Variants in PRICKLE1 observed in about 807,000 individuals in gnomAD.
PRICKLE1 encodes the protein prickle planar cell polarity protein 1, also known as prickle-like protein 1.
A neutral mutation model predicts 70.2 loss-of-function variants in PRICKLE1; 14 were observed. The observed-to-expected ratio is 0.20, with a 90% CI of 0.13 to 0.31. The LOEUF is 0.31. PRICKLE1 is among the 10% of genes least tolerant of loss of function. The probability of loss-of-function intolerance (pLI) is 1.00; values close to 1 mark genes in which losing one functional copy is unlikely to be tolerated. For missense variants in PRICKLE1, 821 were observed against 1,026.2 expected (o/e 0.80, Z 2.73); for synonymous variants, 357 against 379.9 (o/e 0.94, Z 0.70).
At chr12:42,556,574 TG>T (rs1940416332) in intron 1 of PRICKLE1, among the ~76,000 whole-genome samples, 1 of 152,196 alleles carries the variant, frequency 6.6e-6, no homozygotes, top group African/African-American at 2.4e-5. Context: ...CCTGTGCTCT[TG>T]GATCTAGATC....
intron 1 of PRICKLE1, among the ~76,000 whole-genome samples, chr12:42,485,965 G>A (rs963257646): frequency 1.3e-5 from 2 of 152,194 alleles, no homozygotes; most frequent in Admixed American, 1.3e-4. Context: ...ACAGACTTTA[G>A]TCTGGTCTGA....
At position 42,460,289 on chromosome 12, in the gene PRICKLE1, G is replaced by A. The variant is rs1393383343; in HGVS notation, c.2016C>T (p.His672=). ...NFEERGSRSH[H]HRRRRSRKSR... is the part of the protein sequence containing the mutation. ...ACTTTCTACTTCTCCGGCGGCGGTG[G>A]TGATGAGACCTGGATCCCCTCTCTT... The change falls in exon 8 of 8, where the codon CAC becomes CAT. Residue 672 remains histidine (H), a synonymous_variant. Transcript: ENST00000345127. The A allele has an allele frequency of 1.9e-6, 3 of 1,614,014 alleles. No homozygotes were observed. Among genetic ancestry groups the A allele is most frequent in the Non-Finnish European group, 2.5e-6 (3 of 1,180,048 alleles).
intron 1 of PRICKLE1, among the ~76,000 whole-genome samples, chr12:42,579,841 TTTA>T (rs141455369): frequency 0.13 from 20,407 of 151,968 alleles, 1,719 homozygotes; most frequent in Non-Finnish European, 0.19. Flanking sequence ...ATATGTCTTC[TTTA>T]TTATTATTAT....
At chr12:42,506,771 C>A (rs1039974273) in intron 1 of PRICKLE1, among the ~76,000 whole-genome samples, 1 of 151,498 alleles carries the variant, frequency 6.6e-6, no homozygotes, top group Admixed American at 6.6e-5. Context: ...CGGTGTTTCA[C>A]CATCTTGGCC....
Position 42,459,456 on chromosome 12 carries a change from C to T in PRICKLE1, c.*353G>A. On this transcript the variant is annotated 3_prime_UTR_variant, in exon 8 of 8. Transcript: ENST00000345127. Reference sequence around the variant, plus strand: ...ATAAATGACAAACACTAGTGCTTTACAAAGGTGGCTGGAGTTCTCCATCTT... The same window carrying T: ...ATAAATGACAAACACTAGTGCTTTATAAAGGTGGCTGGAGTTCTCCATCTT... 1 of 678,614 alleles carries T rather than the reference C, an allele frequency of 1.5e-6. No homozygotes were observed. The allele number at this position is 678,614 out of a possible 1,614,324, so 42.0% of individuals were successfully genotyped here.
In PRICKLE1 at chr12:42,464,421, T is replaced by G. The variant is rs764577468; in HGVS notation, c.1613A>C (p.Asp538Ala). Residue 538 changes from aspartate to alanine, a missense_variant, in exon 7 of 8, where the codon GAT (aspartate) becomes GCT (alanine). Transcript: ENST00000345127. The surrounding 1 kb of genome is among the most constrained non-coding windows in gnomAD (Gnocchi z 4.2). The stretch of plus-strand genomic sequence containing the variant: ...TGTGATATTGGACAATGCCAAAGAA[T>G]CCATCGAATCCCGAACACTTTGCTC... ...KPEQSVRDSM[D>A]SLALSNITGA... is the part of the protein sequence containing the mutation. 2.5e-5 allele frequency: 41 copies of G among 1,614,016 alleles called. No individual in the cohort carries two copies. Among genetic ancestry groups the G allele is most frequent in the Non-Finnish European group, 2.8e-5 (33 of 1,180,030 alleles).
chr12:42,559,622 A>ATT (rs34103754), intron 1 of PRICKLE1, among the ~76,000 whole-genome samples: 1,490 of 69,314 alleles, frequency 0.021, 22 homozygotes, highest in East Asian at 0.084. Context: ...ATATATATAT[A>ATT]TATTTTTTTT....
At chr12:42,588,154 C>A (rs1327225797) in intron 1 of PRICKLE1, among the ~76,000 whole-genome samples, 1 of 152,212 alleles carries the variant, frequency 6.6e-6, no homozygotes, top group Non-Finnish European at 1.5e-5. Flanking sequence ...TGAGCTCACA[C>A]ATCTGGAGCC....
At chr12:42,549,718 C>T (rs1451199117) in intron 1 of PRICKLE1, among the ~76,000 whole-genome samples, 1 of 152,214 alleles carries the variant, frequency 6.6e-6, no homozygotes, top group Non-Finnish European at 1.5e-5. Flanking sequence ...ATACACCACA[C>T]TGCTGCCACA....
chr12:42,477,770 C>T, intron 1 of PRICKLE1, among the ~76,000 whole-genome samples: 1 of 151,842 alleles, frequency 6.6e-6, no homozygotes, highest in East Asian at 1.9e-4. Flanking sequence ...ACTTTATTTT[C>T]AGGTATTGTC....
At chr12:42,478,257 G>A (rs918956766) in intron 1 of PRICKLE1, among the ~76,000 whole-genome samples, 2 of 152,118 alleles carry the variant, frequency 1.3e-5, no homozygotes, top group African/African-American at 4.8e-5. Flanking sequence ...GTCTTAAAAT[G>A]CTGTAGCAAA....
intron 1 of PRICKLE1, among the ~76,000 whole-genome samples, chr12:42,522,280 C>CT (rs1939725388): frequency 6.6e-6 from 1 of 151,926 alleles, no homozygotes; most frequent in Non-Finnish European, 1.5e-5. Flanking sequence ...CTGGCCTTAA[C>CT]TTTTTTGTAA....
At chr12:42,556,537 G>A (rs1211860264) in intron 1 of PRICKLE1, among the ~76,000 whole-genome samples, 1 of 152,188 alleles carries the variant, frequency 6.6e-6, no homozygotes, top group Non-Finnish European at 1.5e-5. Flanking sequence ...ATGGCCAGGG[G>A]TCAAACACAG....
At chr12:42,580,589 C>T (rs2120794184) in intron 1 of PRICKLE1, among the ~76,000 whole-genome samples, 1 of 152,256 alleles carries the variant, frequency 6.6e-6, no homozygotes, top group Non-Finnish European at 1.5e-5. Context: ...ACAAAATATA[C>T]ACTGAGCATA....
At chr12:42,515,246 T>TC (rs1195290715) in intron 1 of PRICKLE1, among the ~76,000 whole-genome samples, 1 of 151,648 alleles carries the variant, frequency 6.6e-6, no homozygotes, top group Non-Finnish European at 1.5e-5. Flanking sequence ...ATCTATTTTT[T>TC]TTTTTTTTTT....
chr12:42,572,222 C>T lies in PRICKLE1; in HGVS notation c.-49+17243G>A, dbSNP rs1208128075. On this transcript the variant is annotated intron_variant, in intron 1 of 7. Coordinates refer to ENST00000345127, the MANE Select transcript of PRICKLE1 (RefSeq NM_153026.3). Reference sequence around the variant, plus strand: ...GCCGAGGCGGGCGGATTACTTGAGGCCAGGAGTTCGAGACCAGCCTGGCCA... The same window carrying T: ...GCCGAGGCGGGCGGATTACTTGAGGTCAGGAGTTCGAGACCAGCCTGGCCA... 3.9e-5 allele frequency among the ~76,000 whole-genome samples: 6 copies of T among 151,950 alleles called. No homozygotes were observed. The South Asian group carries it at 1.0e-3, about 26-fold the overall frequency.
At chr12:42,477,942 G>A (rs1458150300) in intron 1 of PRICKLE1, among the ~76,000 whole-genome samples, 2 of 146,734 alleles carry the variant, frequency 1.4e-5, no homozygotes, top group Non-Finnish European at 3.0e-5. Context: ...ACTAACAGTG[G>A]CCCTGCCCTA....
intron 1 of PRICKLE1, among the ~76,000 whole-genome samples, chr12:42,570,026 C>T (rs1940681678): frequency 6.6e-6 from 1 of 152,220 alleles, no homozygotes; most frequent in South Asian, 2.1e-4. Context: ...TGCTAATGGA[C>T]AAGTAAACTT....
At chr12:42,556,641 G>A (rs1464729615) in intron 1 of PRICKLE1, among the ~76,000 whole-genome samples, 3 of 152,184 alleles carry the variant, frequency 2.0e-5, no homozygotes, top group South Asian at 2.1e-4. Context: ...TCTTTATTAA[G>A]TGACTGAACA....
Sources: gnomAD v4.1 joint callset for allele counts (sites outside exome capture counted in the v4.1 genomes callset) on GRCh38, gnomAD v4.1.1 for gene constraint, Gnocchi (gnomAD v3.1) non-coding constraint, MANE v1.5 for transcripts, NCBI Gene and HGNC (gene_info 2026-07-23, HGNC 2026-07-21) for gene names.